The following VDAC1 variants were observed in gnomAD, a reference collection of about 807,000 sequenced individuals.
The protein encoded by VDAC1 is non-selective voltage-gated ion channel VDAC1.
In VDAC1, 10 loss-of-function variants were observed where a neutral mutation model predicts 34.7. The ratio of observed to expected loss-of-function variants is 0.29; its 90% CI spans 0.18 to 0.49. The LOEUF is 0.49. VDAC1 is among the 20% of genes least tolerant of loss of function. The pLI is 0.99. For missense variants in VDAC1, 230 were observed against 347.9 expected (o/e 0.66, Z 2.69); for synonymous variants, 130 against 136.0 (o/e 0.96, Z 0.30).
At chr5:134,050,399 C>T in the VDAC1 span, among the ~76,000 whole-genome samples, 5 of 152,152 alleles carry the variant, frequency 3.3e-5, no homozygotes, top group Non-Finnish European at 5.9e-5. Flanking sequence ...TTATTCAATG[C>T]GTTAGTTCTT....
At chr5:134,024,237 C>G in the VDAC1 span, among the ~76,000 whole-genome samples, 1 of 151,844 alleles carries the variant, frequency 6.6e-6, no homozygotes, top group African/African-American at 2.4e-5. Flanking sequence ...GCCTGCAAAA[C>G]TGGTGGCCAG....
At chr5:134,071,460 C>T in the VDAC1 span, among the ~76,000 whole-genome samples, 1 of 152,216 alleles carries the variant, frequency 6.6e-6, no homozygotes, top group Non-Finnish European at 1.5e-5. The surrounding 1 kb of genome is among the most constrained non-coding windows in gnomAD (Gnocchi z 4.1). Flanking sequence ...TTCTCCACGC[C>T]TCCAACCCAC....
At chr5:134,020,340 C>T in the VDAC1 span, among the ~76,000 whole-genome samples, 12 of 151,960 alleles carry the variant, frequency 7.9e-5, no homozygotes, top group Admixed American at 2.0e-4. Flanking sequence ...ACGACTCCCC[C>T]GCTCACCCCT....
the VDAC1 span, among the ~76,000 whole-genome samples, chr5:134,107,946 T>C: frequency 6.6e-6 from 1 of 152,168 alleles, no homozygotes; most frequent in Non-Finnish European, 1.5e-5. Context: ...ACACCCAGGC[T>C]ATGAGTTTCA....
chr5:134,023,619 G>A, the VDAC1 span, among the ~76,000 whole-genome samples: 3 of 152,078 alleles, frequency 2.0e-5, no homozygotes, highest in Non-Finnish European at 4.4e-5. Flanking sequence ...TATTTATTGA[G>A]CTCCTACCAT....
intron 3 of VDAC1, among the ~76,000 whole-genome samples, chr5:133,991,462 A>T (rs1336391308): frequency 6.6e-6 from 1 of 152,258 alleles, no homozygotes; most frequent in Non-Finnish European, 1.5e-5. Flanking sequence ...AAAAGCACTG[A>T]GCTAAAGCTG....
the VDAC1 span, among the ~76,000 whole-genome samples, chr5:134,083,361 G>A: frequency 1.3e-5 from 2 of 151,942 alleles, no homozygotes. Context: ...GCTAATTTTT[G>A]TATTTTTAGC....
chr5:134,051,388 C>T, the VDAC1 span, among the ~76,000 whole-genome samples: 4 of 152,222 alleles, frequency 2.6e-5, no homozygotes, highest in Non-Finnish European at 5.9e-5. Context: ...GGCAACCAGA[C>T]TAACCAACGT....
At chr5:134,022,836 G>A in the VDAC1 span, among the ~76,000 whole-genome samples, 1 of 152,234 alleles carries the variant, frequency 6.6e-6, no homozygotes, top group Non-Finnish European at 1.5e-5. Flanking sequence ...AGATGCTGGT[G>A]AGGCTGTGGA....
chr5:134,064,556 G>A, the VDAC1 span, among the ~76,000 whole-genome samples: 3 of 151,522 alleles, frequency 2.0e-5, no homozygotes, highest in African/African-American at 4.9e-5. Flanking sequence ...TGCCCACCTC[G>A]GCCTCCCAAA....
chr5:134,105,940 G>C, the VDAC1 span, among the ~76,000 whole-genome samples: 1 of 152,270 alleles, frequency 6.6e-6, no homozygotes, highest in Non-Finnish European at 1.5e-5. Flanking sequence ...TTAGTCAGAG[G>C]AATCTCTCCG....
the VDAC1 span, among the ~76,000 whole-genome samples, chr5:134,058,073 T>C: frequency 2.0e-5 from 3 of 151,782 alleles, no homozygotes; most frequent in Non-Finnish European, 2.9e-5. Flanking sequence ...TTTTTGTATT[T>C]TTAGTAGAGA....
At chr5:134,049,914 C>T in the VDAC1 span, among the ~76,000 whole-genome samples, 1 of 152,226 alleles carries the variant, frequency 6.6e-6, no homozygotes, top group South Asian at 2.1e-4. Flanking sequence ...TTCCACTCAA[C>T]TTTGTTTAGT....
the VDAC1 span, among the ~76,000 whole-genome samples, chr5:134,039,407 T>C: frequency 5.3e-5 from 8 of 152,182 alleles, no homozygotes; most frequent in East Asian, 1.9e-4. Context: ...CGGCTCACTG[T>C]AAGCTCTGCC....
chr5:134,088,432 C>G, the VDAC1 span, among the ~76,000 whole-genome samples: 2 of 152,310 alleles, frequency 1.3e-5, no homozygotes, highest in South Asian at 2.1e-4. Context: ...AGGCCTGAGC[C>G]AGGCTGGGAG....
chr5:134,109,059 G>A, the VDAC1 span, among the ~76,000 whole-genome samples: 1 of 152,174 alleles, frequency 6.6e-6, no homozygotes, highest in African/African-American at 2.4e-5. Flanking sequence ...ACAAGATGGT[G>A]AGTTGCCTGA....
intron 1 of VDAC1, among the ~76,000 whole-genome samples, chr5:134,001,878 T>C (rs1258258013): frequency 1.3e-5 from 2 of 151,896 alleles, no homozygotes; most frequent in Non-Finnish European, 2.9e-5. Context: ...AAAGTCCCAC[T>C]CATCCCAAAC....
the VDAC1 span, among the ~76,000 whole-genome samples, chr5:134,049,403 C>T: frequency 1.3e-5 from 2 of 151,956 alleles, no homozygotes; most frequent in Non-Finnish European, 2.9e-5. Context: ...CCTTGCTATT[C>T]CTCAATCACT....
chr5:134,056,627 C>CT, the VDAC1 span, among the ~76,000 whole-genome samples: 1 of 151,918 alleles, frequency 6.6e-6, no homozygotes. Context: ...TTGAACATAA[C>CT]TTTTTGTGTT....
Sources: gnomAD v4.1 joint callset for allele counts (sites outside exome capture counted in the v4.1 genomes callset) on GRCh38, gnomAD v4.1.1 for gene constraint, Gnocchi (gnomAD v3.1) non-coding constraint, MANE v1.5 for transcripts, NCBI Gene and HGNC (gene_info 2026-07-23, HGNC 2026-07-21) for gene names.